Variants in HHLA2 observed in about 807,000 individuals in gnomAD.
HHLA2 encodes the protein HHLA2 member of B7 family.
Under a neutral mutation model 45.9 loss-of-function variants are expected in HHLA2, and 48 were observed. The observed-to-expected ratio is 1.05, with a 90% confidence interval of 0.83 to 1.33. The LOEUF (loss-of-function observed/expected upper bound fraction) is 1.33. Among genes scored for constraint, HHLA2 ranks in the 40% most tolerant of loss-of-function variants. HHLA2 has a pLI of 0.00. For synonymous variants in HHLA2, 161 were observed against 173.9 expected (o/e 0.93, Z 0.59); for missense variants, 462 against 494.3 (o/e 0.93, Z 0.62).
rs566245000 is a variant in HHLA2, at chr3:108,365,035, A to C, written c.1108+2589A>C. Reference sequence around the variant, plus strand: ...ATTTGTCAATTTTGGCTTTTGTTGCAATTGCTTTTGGTGTTTTAGTCATGA... The same window carrying C: ...ATTTGTCAATTTTGGCTTTTGTTGCCATTGCTTTTGGTGTTTTAGTCATGA... On this transcript the variant is annotated intron_variant, in intron 8 of 10. Coordinates refer to ENST00000619531, the Ensembl canonical transcript of HHLA2. 2.8e-4 allele frequency among the ~76,000 whole-genome samples: 42 copies of C among 152,064 alleles called. 1 individual carries two copies. The highest frequency in any genetic ancestry group is 8.9e-4 in the African/African-American group (37 of 41,482).
chr3:108,341,393 T>C (rs1399319970), intron 3 of HHLA2, among the ~76,000 whole-genome samples: 1 of 152,202 alleles, frequency 6.6e-6, no homozygotes, highest in Non-Finnish European at 1.5e-5. Context: ...AAAACTCCTA[T>C]AAAAACCATA....
chr3:108,298,602 G>T (rs1440610171), intron 1 of HHLA2, among the ~76,000 whole-genome samples: 2 of 152,170 alleles, frequency 1.3e-5, no homozygotes, highest in African/African-American at 4.8e-5. Context: ...TTTCCAGCAG[G>T]TCTCAGAGAT....
chr3:108,308,741 A>T (rs2080970564), intron 1 of HHLA2, among the ~76,000 whole-genome samples: 2 of 152,094 alleles, frequency 1.3e-5, no homozygotes, highest in Admixed American at 1.3e-4. Context: ...TATAGTTTTG[A>T]TTTGCATTTC....
intron 1 of HHLA2, among the ~76,000 whole-genome samples, chr3:108,299,681 G>A (rs2107274390): frequency 6.6e-6 from 1 of 152,126 alleles, no homozygotes; most frequent in South Asian, 2.1e-4. Context: ...GAGGAGGAAG[G>A]GACATAGAAA....
intron 3 of HHLA2, among the ~76,000 whole-genome samples, chr3:108,336,934 G>A (rs569433592): frequency 6.6e-6 from 1 of 152,162 alleles, no homozygotes; most frequent in African/African-American, 2.4e-5. Context: ...CTTGCTTGAT[G>A]TGTCATGACT....
chr3:108,308,585 C>G (rs1326311163), intron 1 of HHLA2, among the ~76,000 whole-genome samples: 1 of 152,286 alleles, frequency 6.6e-6, no homozygotes, highest in East Asian at 1.9e-4. Context: ...TTAGGAACCT[C>G]CAAACTTTTC....
chr3:108,320,699 A>T (rs1431172669), intron 2 of HHLA2, among the ~76,000 whole-genome samples: 1 of 152,134 alleles, frequency 6.6e-6, no homozygotes, highest in East Asian at 1.9e-4. Context: ...TGAGGAGGGT[A>T]TGGTCACCGC....
At chr3:108,322,839 C>A (rs62266192) in intron 2 of HHLA2, among the ~76,000 whole-genome samples, 10,276 of 152,238 alleles carry the variant, frequency 0.067, 478 homozygotes, top group Non-Finnish European at 0.092. Context: ...TAAGAAATAG[C>A]TTTCCTATGA....
At position 108,351,787 on chromosome 3, in the gene HHLA2, G is replaced by A; in HGVS notation, c.-26-1G>A. 1 of 1,603,050 alleles carries A rather than the reference G, an allele frequency of 6.2e-7. No homozygotes were observed. Among genetic ancestry groups the A allele is most frequent in the African/African-American group, 1.3e-5 (1 of 74,776 alleles). ...ATGTGCACTTTACTTCTCTTTGATA[G>A]CATGACTAATATGTTCTGCACAAGA... On this transcript the variant is annotated splice_acceptor_variant, in intron 3 of 10. Transcript: ENST00000619531. LOFTEE classifies it low-confidence loss of function (5UTR_SPLICE).
intron 3 of HHLA2, among the ~76,000 whole-genome samples, chr3:108,349,334 T>C (rs1267444021): frequency 6.6e-6 from 1 of 151,950 alleles, no homozygotes. Flanking sequence ...CCCACAGAAA[T>C]ACAAACTACC....
chr3:108,308,952 TG>T (rs1468693788), intron 1 of HHLA2, among the ~76,000 whole-genome samples: 1 of 152,230 alleles, frequency 6.6e-6, no homozygotes, highest in African/African-American at 2.4e-5. Context: ...TCTCCCATTC[TG>T]TGGGTTGTCT....
chr3:108,372,263 GTTC>G (rs2082190947), intron 8 of HHLA2, among the ~76,000 whole-genome samples: 1 of 152,076 alleles, frequency 6.6e-6, no homozygotes, highest in Admixed American at 6.5e-5. Flanking sequence ...AAATAAAGAT[GTTC>G]TTTGAAACCA....
rs367817011 is a variant in HHLA2, at chr3:108,353,708, G to A, written c.346G>A (p.Glu116Lys). Residue 116 changes from glutamate to lysine, a missense_variant, in exon 5 of 11, where the codon GAA (glutamate) becomes AAA (lysine). Glu to Lys is a moderately conservative substitution (Grantham distance 56). Coordinates refer to ENST00000619531, the Ensembl canonical transcript of HHLA2. The stretch of plus-strand genomic sequence containing the variant: ...TTTCAGAAGAGTAAGCCTTCTGGAC[G>A]AAGGAATTTACACCTGCTATGTAGG... 56 of 1,613,478 alleles carry A rather than the reference G, an allele frequency of 3.5e-5. 1 individual carries two copies. The East Asian group carries it at 5.8e-4, about 17-fold the overall frequency.
intron 1 of HHLA2, among the ~76,000 whole-genome samples, chr3:108,308,960 G>C (rs190145553): frequency 4.6e-5 from 7 of 152,282 alleles, no homozygotes; most frequent in Admixed American, 4.6e-4. Context: ...TCTGTGGGTT[G>C]TCTCTTCACT....
chr3:108,339,695 TCTC>T, intron 3 of HHLA2, among the ~76,000 whole-genome samples: 1 of 152,220 alleles, frequency 6.6e-6, no homozygotes, highest in African/African-American at 2.4e-5. Context: ...GCAGGTAAAA[TCTC>T]CTAGTAAACA....
chr3:108,314,519 T>G (rs951543325), intron 2 of HHLA2, among the ~76,000 whole-genome samples: 1 of 151,126 alleles, frequency 6.6e-6, no homozygotes, highest in Non-Finnish European at 1.5e-5. Context: ...TGGGGAGGGG[T>G]TTTCCTGACC....
chr3:108,302,340 C>T (rs1445260430), intron 1 of HHLA2: 1 of 152,150 alleles, frequency 6.6e-6, no homozygotes, highest in Non-Finnish European at 1.5e-5. Flanking sequence ...AGGGTTCAAC[C>T]TCCTACCCCT....
chr3:108,332,255 A>C (rs1475897293), intron 3 of HHLA2, among the ~76,000 whole-genome samples: 1 of 152,188 alleles, frequency 6.6e-6, no homozygotes, highest in African/African-American at 2.4e-5. Flanking sequence ...AGTTACCTCC[A>C]GGCGGTGGGA....
At chr3:108,369,043 C>T (rs2082117541) in intron 8 of HHLA2, among the ~76,000 whole-genome samples, 1 of 152,176 alleles carries the variant, frequency 6.6e-6, no homozygotes, top group Non-Finnish European at 1.5e-5. Flanking sequence ...ACAGTGCAAT[C>T]AAATTAGAAC....
Sources: allele counts gnomAD v4.1 joint callset (sites outside exome capture counted in the v4.1 genomes callset), GRCh38; gene constraint gnomAD v4.1.1; transcripts MANE v1.5; gene names NCBI Gene and HGNC (gene_info 2026-07-23, HGNC 2026-07-21).